Variants in CXCL9 observed in about 807,000 individuals in gnomAD.
The protein encoded by CXCL9 is C-X-C motif chemokine 9.
Under a neutral mutation model 11.7 loss-of-function variants are expected in CXCL9, and 8 were observed. The ratio of observed to expected loss-of-function variants is 0.68; its 90% CI spans 0.40 to 1.23. CXCL9 has a LOEUF of 1.23. Ranked by LOEUF, CXCL9 falls within the 50% of genes most tolerant of loss-of-function variation. The probability of loss-of-function intolerance (pLI) is 0.01; values close to 1 mark genes in which losing one functional copy is unlikely to be tolerated. For missense variants in CXCL9, 133 were observed against 141.7 expected (o/e 0.94, Z 0.31); for synonymous variants, 43 against 48.2 (o/e 0.89, Z 0.45).
At chr4:76,006,063 G>A (rs938998195) in intron 2 of CXCL9, 85 bp downstream of exon 2, 9 of 1,272,062 alleles carry the variant, frequency 7.1e-6, no homozygotes, top group Non-Finnish European at 1.0e-5. Flanking sequence ...TGTTTGTATG[G>A]GCAAGCACTC....
intron 3 of CXCL9, among the ~76,000 whole-genome samples, chr4:76,004,413 C>T (rs2149341794): frequency 6.6e-6 from 1 of 152,322 alleles, no homozygotes; most frequent in African/African-American, 2.4e-5. Context: ...AAGTTAAGTA[C>T]TCCCTCCTCT....
In CXCL9 at chr4:76,006,021, T is replaced by G. The variant is rs762969701; in HGVS notation, c.191+127A>C. ...GAAGAAAAGAAAGGAGCTGCCCAAATTTATGGAGGGGGTAACCATCTGATT... is the reference window on the plus strand; with the variant it reads ...GAAGAAAAGAAAGGAGCTGCCCAAAGTTATGGAGGGGGTAACCATCTGATT... On this transcript the variant is annotated intron_variant, in intron 2 of 3. Coordinates refer to ENST00000264888, the MANE Select transcript of CXCL9 (RefSeq NM_002416.3). 3.2e-4 allele frequency: 259 copies of G among 817,686 alleles called. 1 individual carries two copies. Among genetic ancestry groups the G allele is most frequent in the Non-Finnish European group, 4.5e-4 (230 of 515,972 alleles). 50.7% of individuals were successfully genotyped at this position (817,686 alleles called of 1,614,324 possible).
Position 76,007,483 on chromosome 4 carries a change from T to C in CXCL9, c.-34A>G. On this transcript the variant is annotated 5_prime_UTR_variant, in exon 1 of 4. Transcript: ENST00000264888. ...AATGGAGTTCCAAGTCACTCCTGTATTGGATTTTGAGCCTGAGAAATTCTT... is the reference window on the plus strand; with the variant it reads ...AATGGAGTTCCAAGTCACTCCTGTACTGGATTTTGAGCCTGAGAAATTCTT... 1 of 1,236,184 alleles carries C rather than the reference T, an allele frequency of 8.1e-7. No homozygotes were observed. The highest frequency in any genetic ancestry group is 1.2e-6 in the Non-Finnish European group (1 of 834,682). 76.6% of individuals were successfully genotyped at this position (1,236,184 alleles called of 1,614,324 possible).
chr4:76,006,074 C>T, intron 2 of CXCL9, 74 bp downstream of exon 2: 1 of 1,431,944 alleles, frequency 7.0e-7, no homozygotes, highest in East Asian at 2.4e-5. Flanking sequence ...GCAAGCACTC[C>T]AAGGGTAAAA....
At chr4:76,004,463 C>T (rs1255772335) in intron 3 of CXCL9, among the ~76,000 whole-genome samples, 5 of 152,164 alleles carry the variant, frequency 3.3e-5, no homozygotes, top group African/African-American at 9.7e-5. Flanking sequence ...ATATTTCTCA[C>T]ATTGTACCAT....
In CXCL9 at chr4:76,001,802, C is replaced by A. The variant is rs112123906; in HGVS notation, c.*1796G>T. ...TAAGACGTTCGGGTGGGATCTCCAC[C>A]GGACAGCACTCTAAATCATCAGCAG... On this transcript the variant is annotated 3_prime_UTR_variant, in exon 4 of 4. Coordinates refer to ENST00000264888, the MANE Select transcript of CXCL9 (RefSeq NM_002416.3). 1 of 156,860 alleles carries A rather than the reference C, an allele frequency of 6.4e-6. No homozygotes were observed. 9.7% of individuals were successfully genotyped at this position (156,860 alleles called of 1,614,324 possible).
intron 2 of CXCL9, chr4:76,005,914 T>C: frequency 2.6e-6 from 1 of 382,478 alleles, no homozygotes; most frequent in Non-Finnish European, 4.9e-6. Context: ...TCTATTGTGT[T>C]ACCTGCATTA....
At chr4:76,007,262 C>T (rs755538496) in intron 1 of CXCL9, 124 bp downstream of exon 1, 15 of 737,114 alleles carry the variant, frequency 2.0e-5, no homozygotes, top group Non-Finnish European at 3.5e-5. Context: ...CACTGAGAAG[C>T]TTTTATGACT....
At chr4:76,003,952 A>C (rs922952893) in intron 3 of CXCL9, among the ~76,000 whole-genome samples, 4 of 152,008 alleles carry the variant, frequency 2.6e-5, no homozygotes, top group Non-Finnish European at 5.9e-5. Flanking sequence ...CTTGCTTACC[A>C]CTCACCTGCC....
At chr4:76,006,682 T>A (rs1237566196) in intron 1 of CXCL9, among the ~76,000 whole-genome samples, 1 of 152,200 alleles carries the variant, frequency 6.6e-6, no homozygotes, top group African/African-American at 2.4e-5. Flanking sequence ...TCCTAAACCA[T>A]CTATTATTTA....
chr4:76,006,027 G>C, intron 2 of CXCL9, 121 bp downstream of exon 2: 1 of 846,502 alleles, frequency 1.2e-6, no homozygotes, highest in Non-Finnish European at 1.8e-6. Context: ...CAAATTTATG[G>C]AGGGGGTAAC....
intron 2 of CXCL9, chr4:76,005,946 G>A (rs1731577028): frequency 6.4e-6 from 3 of 471,504 alleles, no homozygotes; most frequent in African/African-American, 5.9e-5. Context: ...CAATAAACAT[G>A]TGTCATTCTT....
chr4:76,002,519 G>T lies in CXCL9; in HGVS notation c.*1079C>A. Reference sequence around the variant, plus strand: ...GAGACAATGGTCTGGTTGCCATCCTGCCCATAACAACATCAATTAAAAAAT... The same window carrying T: ...GAGACAATGGTCTGGTTGCCATCCTTCCCATAACAACATCAATTAAAAAAT... On this transcript the variant is annotated 3_prime_UTR_variant, in exon 4 of 4. Coordinates refer to ENST00000264888, the MANE Select transcript of CXCL9 (RefSeq NM_002416.3). The T allele has an allele frequency of 2.5e-6, 1 of 396,242 alleles. No individual in the cohort carries two copies. Among genetic ancestry groups the T allele is most frequent in the Non-Finnish European group, 4.4e-6 (1 of 225,084 alleles). 24.5% of individuals were successfully genotyped at this position (396,242 alleles called of 1,614,324 possible). A position where few individuals can be genotyped will look rare whatever the true frequency, so the allele number is the denominator to read the frequency against.
chr4:76,004,485 T>C (rs1177662733), intron 3 of CXCL9, among the ~76,000 whole-genome samples: 4 of 152,220 alleles, frequency 2.6e-5, no homozygotes, highest in Admixed American at 6.5e-5. Context: ...ATTATTAGCA[T>C]ATGCACTACA....
chr4:76,003,799 C>G, intron 3 of CXCL9, 100 bp from the exon 4 acceptor site: 1 of 696,268 alleles, frequency 1.4e-6, no homozygotes, highest in Non-Finnish European at 2.5e-6. Flanking sequence ...CCCACATAGT[C>G]TCAAAACCAC....
At position 76,006,286 on chromosome 4, in the gene CXCL9, A is replaced by T. The variant is rs1731585484; in HGVS notation, c.65-12T>A. The T allele has an allele frequency of 1.9e-6, 3 of 1,612,382 alleles. No homozygotes were observed. The highest frequency in any genetic ancestry group is 1.7e-6 in the Non-Finnish European group (2 of 1,178,864). ...CACTACTGGGGTTCCTGAGGGAAAG[A>T]AAAAGATAGAACACATCAGTATAGG... On this transcript the variant is annotated splice_polypyrimidine_tract_variant and intron_variant, in intron 1 of 3. Coordinates refer to ENST00000264888, the MANE Select transcript of CXCL9 (RefSeq NM_002416.3).
At chr4:76,007,091 G>T (rs752173986) in intron 1 of CXCL9, among the ~76,000 whole-genome samples, 7 of 152,130 alleles carry the variant, frequency 4.6e-5, no homozygotes, top group African/African-American at 7.2e-5. Flanking sequence ...GCAAAAAACA[G>T]TATCAGGGAG....
intron 3 of CXCL9, among the ~76,000 whole-genome samples, chr4:76,004,127 G>A (rs1305387470): frequency 6.6e-6 from 1 of 152,062 alleles, no homozygotes; most frequent in African/African-American, 2.4e-5. Context: ...ATATTCTGTG[G>A]CTCTCTTCAA....
rs1391410326 is a variant in CXCL9, at chr4:76,002,567, A to G, written c.*1031T>C. 2 of 386,360 alleles carry G rather than the reference A, an allele frequency of 5.2e-6. No homozygotes were observed. Among genetic ancestry groups the G allele is most frequent in the African/African-American group, 4.1e-5 (2 of 48,394 alleles). The allele number at this position is 386,360 out of a possible 1,614,324, so 23.9% of individuals were successfully genotyped here. On this transcript the variant is annotated 3_prime_UTR_variant, in exon 4 of 4. Transcript: ENST00000264888. ...AATTATTAAAACCTAGTTCCACAGT[A>G]TTATTAGGCACTGTGGAAGAAACAG... is the stretch of plus-strand genomic sequence containing the variant.
Sources: allele counts gnomAD v4.1 joint callset (sites outside exome capture counted in the v4.1 genomes callset), GRCh38; gene constraint gnomAD v4.1.1; transcripts MANE v1.5; gene names NCBI Gene and HGNC (gene_info 2026-07-23, HGNC 2026-07-21).